HIPK2: variants seen among roughly 807,000 people sequenced by gnomAD.
The protein encoded by HIPK2 is homeodomain-interacting protein kinase 2.
In HIPK2, 27 loss-of-function variants were observed where a neutral mutation model predicts 113.7. That is an observed-to-expected ratio of 0.24 (90% CI 0.17 to 0.33). The LOEUF (loss-of-function observed/expected upper bound fraction) is 0.33. Among genes scored for constraint, HIPK2 ranks in the 10% least tolerant of loss-of-function variants. The pLI is 1.00. For synonymous variants in HIPK2, 631 were observed against 642.2 expected, an observed-to-expected ratio of 0.98 and a Z score of 0.26; for missense variants, 1,257 against 1,588.0, an observed-to-expected ratio of 0.79 and a Z score of 3.54.
intron 2 of HIPK2, among the ~76,000 whole-genome samples, chr7:139,709,364 A>C (rs1176831396): frequency 6.6e-6 from 1 of 152,136 alleles, no homozygotes; most frequent in Non-Finnish European, 1.5e-5. Flanking sequence ...ACTTCTAGTC[A>C]CTCACTTTCT....
intron 2 of HIPK2, among the ~76,000 whole-genome samples, chr7:139,686,483 G>C (rs967741375): frequency 6.6e-6 from 1 of 152,174 alleles, no homozygotes; most frequent in Non-Finnish European, 1.5e-5. Context: ...AGAGGGACCT[G>C]GTGGGAGGTA....
rs77746585 is a variant in HIPK2, at chr7:139,776,616, G to C, written c.19+989C>G. Among the ~76,000 whole-genome samples, 3 of 98,456 alleles carry C rather than the reference G, an allele frequency of 3.0e-5. No individual in the cohort carries two copies. In the African/African-American group the frequency reaches 6.5e-4, roughly 21 times the overall value. 64.6% of individuals were successfully genotyped at this position (98,456 alleles called of 152,430 possible). ...ATCTGAACAAAACCGAAAGAAAGCC[G>C]GGGGACCCACGCTAAAAGTATGTGA... On this transcript the variant is annotated intron_variant, in intron 1 of 14. Transcript: ENST00000406875.
At chr7:139,691,338 C>A (rs1406827763) in intron 2 of HIPK2, among the ~76,000 whole-genome samples, 3 of 152,200 alleles carry the variant, frequency 2.0e-5, no homozygotes, top group Admixed American at 2.0e-4. Flanking sequence ...ACGAGCCCGT[C>A]CCCATTATGA....
chr7:139,594,398 A>G (rs537502080), intron 12 of HIPK2, among the ~76,000 whole-genome samples: 3 of 152,194 alleles, frequency 2.0e-5, no homozygotes, highest in Non-Finnish European at 2.9e-5. Flanking sequence ...ATAAATACTG[A>G]CTGTGTTAAA....
intron 2 of HIPK2, among the ~76,000 whole-genome samples, chr7:139,653,629 C>T (rs148555372): frequency 2.5e-3 from 375 of 152,024 alleles, no homozygotes; most frequent in African/African-American, 8.5e-3. Context: ...TGATGAAAAT[C>T]GCCAAGTTTT....
chr7:139,724,506 C>T (rs1027388014), intron 1 of HIPK2, among the ~76,000 whole-genome samples: 1 of 152,152 alleles, frequency 6.6e-6, no homozygotes, highest in African/African-American at 2.4e-5. Context: ...AGCTTAGGAT[C>T]AACCACAAGC....
chr7:139,774,920 C>T (rs1025314451), intron 1 of HIPK2, among the ~76,000 whole-genome samples: 15 of 152,216 alleles, frequency 9.9e-5, no homozygotes, highest in African/African-American at 3.6e-4. Context: ...CAAGCAAGCC[C>T]TGGAAGACTG....
In HIPK2 at chr7:139,693,683, T is replaced by C. The variant is rs1005691315; in HGVS notation, c.1103+22249A>G. Among the ~76,000 whole-genome samples the C allele has an allele frequency of 6.6e-5, 10 of 151,478 alleles. No individual in the cohort carries two copies. In the South Asian group the frequency reaches 1.2e-3, roughly 19 times the overall value. The stretch of plus-strand genomic sequence containing the variant: ...GTCCTCTACTCTATATCAGAAGGTA[T>C]GGGATGCTATGATGTCTTCCTGTTA... On this transcript the variant is annotated intron_variant, in intron 2 of 14. Transcript: ENST00000406875.
rs1274244344 is a variant in HIPK2, at chr7:139,746,555, A to G, written c.20-29540T>C. Among the ~76,000 whole-genome samples the G allele has an allele frequency of 3.3e-5, 5 of 152,182 alleles. No individual in the cohort carries two copies. The East Asian group carries it at 9.6e-4, about 29-fold the overall frequency. ...GCTTGGCACACTGTAGGCACTACCAATATAAGCATCAGCTACTGACTACTT... is the reference window on the plus strand; with the variant it reads ...GCTTGGCACACTGTAGGCACTACCAGTATAAGCATCAGCTACTGACTACTT... On this transcript the variant is annotated intron_variant, in intron 1 of 14. Coordinates refer to ENST00000406875, the MANE Select transcript of HIPK2 (RefSeq NM_022740.5).
chr7:139,633,393 C>T (rs1800690359), intron 2 of HIPK2, among the ~76,000 whole-genome samples: 1 of 152,088 alleles, frequency 6.6e-6, no homozygotes, highest in African/African-American at 2.4e-5. Flanking sequence ...TGAAAAAGTA[C>T]CTCCTCTTCC....
In HIPK2 at chr7:139,729,376, A is replaced by AGAGG. The variant is rs1585429949; in HGVS notation, c.20-12362_20-12361insCCTC. Among the ~76,000 whole-genome samples, 5 of 121,346 alleles carry AGAGG rather than the reference A, an allele frequency of 4.1e-5. No homozygotes were observed. In the Admixed American group the frequency reaches 4.5e-4, roughly 11 times the overall value. 79.6% of individuals were successfully genotyped at this position (121,346 alleles called of 152,430 possible). On this transcript the variant is annotated intron_variant, in intron 1 of 14. Coordinates refer to ENST00000406875, the MANE Select transcript of HIPK2 (RefSeq NM_022740.5). ...GAGAGAGAGAGAGAGAGAGAGAGAGAGAGAGAGAATTGGGAGTGGCTTATT... is the reference window on the plus strand; with the variant it reads ...GAGAGAGAGAGAGAGAGAGAGAGAGAGAGGGAGAGAGAATTGGGAGTGGCTTATT...
At chr7:139,575,022 C>G (rs770916412) in intron 14 of HIPK2, 106 bp downstream of exon 14, 125 of 1,411,138 alleles carry the variant, frequency 8.9e-5, no homozygotes, top group Non-Finnish European at 1.2e-4. Flanking sequence ...GCCAGGACTG[C>G]AGCCCTGTGA....
chr7:139,725,583 GA>G (rs1406506302), intron 1 of HIPK2, among the ~76,000 whole-genome samples: 3 of 152,192 alleles, frequency 2.0e-5, no homozygotes, highest in Non-Finnish European at 4.4e-5. Context: ...CTATCTTCTA[GA>G]AGTAATTTCT....
At chr7:139,667,064 TAAAA>T (rs151198904) in intron 2 of HIPK2, among the ~76,000 whole-genome samples, 1 of 144,446 alleles carries the variant, frequency 6.9e-6, no homozygotes, top group African/African-American at 2.5e-5. Flanking sequence ...GACTCCTTCT[TAAAA>T]AAAAAAAACA....
At chr7:139,598,025 C>A (rs961394650) in intron 11 of HIPK2, among the ~76,000 whole-genome samples, 11 of 152,146 alleles carry the variant, frequency 7.2e-5, no homozygotes, top group African/African-American at 2.4e-4. Flanking sequence ...ATACACATAG[C>A]CTGAGGTCAT....
chr7:139,592,120 C>T (rs1799047379), intron 12 of HIPK2, among the ~76,000 whole-genome samples: 2 of 152,208 alleles, frequency 1.3e-5, no homozygotes, highest in Admixed American at 6.5e-5. Flanking sequence ...ACAAGGAAAA[C>T]ATTTCGGGTC....
chr7:139,665,122 A>C (rs1016982921), intron 2 of HIPK2, among the ~76,000 whole-genome samples: 3 of 151,174 alleles, frequency 2.0e-5, no homozygotes, highest in Non-Finnish European at 4.4e-5. Context: ...CCTGCAGCCT[A>C]GACCTCCTGC....
intron 7 of HIPK2, among the ~76,000 whole-genome samples, chr7:139,620,022 C>T (rs1349185564): frequency 3.3e-5 from 5 of 152,172 alleles, no homozygotes; most frequent in Non-Finnish European, 7.4e-5. Flanking sequence ...CCTGAACTCC[C>T]AAAGTGCTGG....
At chr7:139,653,139 C>CAAA (rs533809782) in intron 2 of HIPK2, among the ~76,000 whole-genome samples, 38 of 75,420 alleles carry the variant, frequency 5.0e-4, no homozygotes, top group African/African-American at 1.8e-3. Context: ...GACTCTGTCT[C>CAAA]AAAAAAAAAA....
Sources: allele counts gnomAD v4.1 joint callset (sites outside exome capture counted in the v4.1 genomes callset), GRCh38; gene constraint gnomAD v4.1.1; transcripts MANE v1.5; gene names NCBI Gene and HGNC (gene_info 2026-07-23, HGNC 2026-07-21).